The following SLC12A3 variants were observed in gnomAD, a reference collection of about 807,000 sequenced individuals.
SLC12A3 encodes Na-Cl cotransporter.
In SLC12A3, 104 loss-of-function variants were observed where a neutral mutation model predicts 121.0. That is an observed-to-expected ratio of 0.86 (90% CI 0.73 to 1.01). The LOEUF is 1.01. Ranked by LOEUF, SLC12A3 falls within the 50% of genes least tolerant of loss-of-function variation. The pLI is 0.00. For synonymous variants in SLC12A3, 536 were observed against 533.4 expected, an observed-to-expected ratio of 1.00 and a Z score of -0.07; for missense variants, 1,328 against 1,356.3, an observed-to-expected ratio of 0.98 and a Z score of 0.33.
chr16:56,865,462 C>T lies in SLC12A3; in HGVS notation c.227C>T (p.Pro76Leu), dbSNP rs1964330631. The change falls in exon 1 of 26, where the codon CCT becomes CTT. Residue 76 changes from proline to leucine, a missense_variant. By Grantham distance (98) the Pro-to-Leu change is moderately conservative. Transcript: ENST00000563236. ...TYEHYANSTQ[P>L]GEPRKVRPTL... is the part of the protein sequence containing the mutation. ...GAGCACTATGCCAACAGCACCCAGC[C>T]TGGTGAGCCCCGGAAGGTCCGGCCC... 6.2e-7 allele frequency: 1 copy of T among 1,614,086 alleles called. No individual in the cohort carries two copies. The highest frequency in any genetic ancestry group is 8.5e-7 in the Non-Finnish European group (1 of 1,180,048).
At chr16:56,903,144 G>A (rs1390979000) in intron 24 of SLC12A3, among the ~76,000 whole-genome samples, 8 of 144,894 alleles carry the variant, frequency 5.5e-5, no homozygotes, top group African/African-American at 8.1e-5. Context: ...GTGAGACTCC[G>A]TCTCAAAAAA....
intron 9 of SLC12A3, among the ~76,000 whole-genome samples, chr16:56,878,707 C>T (rs2055197747): frequency 6.6e-6 from 1 of 152,088 alleles, no homozygotes; most frequent in Non-Finnish European, 1.5e-5. Flanking sequence ...TGTACTTCCT[C>T]CCAGTGGCCC....
rs1484020868 is a variant in SLC12A3, at chr16:56,887,041, A to G, written c.2126A>G (p.Tyr709Cys). Residue 709 changes from tyrosine (Y) to cysteine (C), a missense_variant, in exon 17 of 26, where the codon TAC (tyrosine) becomes TGC (cysteine). Coordinates refer to ENST00000563236, the MANE Select transcript of SLC12A3 (RefSeq NM_001126108.2). ...WLNKRKIKAFYSDVIAEDLRR... is the reference protein window; with the variant it reads ...WLNKRKIKAFCSDVIAEDLRR... ...AACAAGAGGAAGATCAAGGCCTTCT[A>G]CTCGGATGTCATTGCCGAGGACCTC... 3.1e-6 allele frequency: 5 copies of G among 1,613,724 alleles called. No homozygotes were observed. The highest frequency in any genetic ancestry group is 4.2e-6 in the Non-Finnish European group (5 of 1,179,996).
At position 56,887,096 on chromosome 16, in the gene SLC12A3, G is replaced by A. The variant is rs764663294; in HGVS notation, c.2178+3G>A. 5.0e-6 allele frequency: 8 copies of A among 1,613,896 alleles called. No individual in the cohort carries two copies. Among genetic ancestry groups the A allele is most frequent in the Non-Finnish European group, 4.2e-6 (5 of 1,180,040 alleles). ...GAGGCGTCCAGATCCTCATGCAGGT[G>A]CCATGGACTGGGGGCTCCCCTACAG... On this transcript the variant is annotated splice_donor_region_variant and intron_variant, in intron 17 of 25. Coordinates refer to ENST00000563236, the MANE Select transcript of SLC12A3 (RefSeq NM_001126108.2).
chr16:56,872,868 T>G, intron 8 of SLC12A3, 82 bp downstream of exon 8: 1 of 1,567,656 alleles, frequency 6.4e-7, no homozygotes, highest in Non-Finnish European at 8.7e-7. Context: ...TCTAGTGGCA[T>G]CTGCCGCTGA....
intron 25 of SLC12A3, chr16:56,906,991 A>AT (rs1178661378): frequency 8.8e-6 from 2 of 228,148 alleles, no homozygotes; most frequent in South Asian, 1.1e-4. Flanking sequence ...GCCATTGTGG[A>AT]TTTTTTACAA....
intron 2 of SLC12A3, among the ~76,000 whole-genome samples, chr16:56,867,806 C>A (rs1434710436): frequency 6.6e-6 from 1 of 152,224 alleles, no homozygotes; most frequent in East Asian, 1.9e-4. Flanking sequence ...CACACCAGCC[C>A]CTCCCACCTG....
At chr16:56,879,460 C>G (rs574036844) in intron 10 of SLC12A3, 82 bp from the exon 11 acceptor site, 3 of 1,239,238 alleles carry the variant, frequency 2.4e-6, no homozygotes, top group Non-Finnish European at 3.5e-6. Context: ...AGCCCCTGCC[C>G]GCAGTAGGGA....
At chr16:56,868,451 C>A in intron 3 of SLC12A3, 79 bp downstream of exon 3, 2 of 1,385,568 alleles carry the variant, frequency 1.4e-6, no homozygotes, top group African/African-American at 1.4e-5. Context: ...CCTGTTCTTC[C>A]CAGACCCCAA....
chr16:56,897,447 G>A (rs1486055975), intron 22 of SLC12A3, among the ~76,000 whole-genome samples: 4 of 152,168 alleles, frequency 2.6e-5, no homozygotes, highest in Admixed American at 6.5e-5. Context: ...ATGGCCTCCC[G>A]TGCTCCATTC....
At chr16:56,899,218 T>C (rs1457063258) in intron 22 of SLC12A3, among the ~76,000 whole-genome samples, 1 of 152,212 alleles carries the variant, frequency 6.6e-6, no homozygotes, top group Non-Finnish European at 1.5e-5. Context: ...AATAAATACA[T>C]TTTTAAAACT....
intron 8 of SLC12A3, among the ~76,000 whole-genome samples, chr16:56,877,640 C>T (rs964621117): frequency 3.9e-5 from 6 of 152,270 alleles, no homozygotes; most frequent in South Asian, 4.1e-4. Flanking sequence ...GATGAGGGGC[C>T]GGGGTGTGAG....
In SLC12A3 at chr16:56,875,108, G is replaced by A. The variant is rs147168746; in HGVS notation, c.1095+2322G>A. Among the ~76,000 whole-genome samples, 49 of 151,636 alleles carry A rather than the reference G, an allele frequency of 3.2e-4. 1 individual carries two copies. Among genetic ancestry groups the A allele is most frequent in the African/African-American group, 8.7e-4 (36 of 41,354 alleles). On this transcript the variant is annotated intron_variant, in intron 8 of 25. Transcript: ENST00000563236. ...CTTTTTAGGTTACCAACCAGCAGGCGTCAGCTGTCTTGAAGCTGGATGAGG... is the reference window on the plus strand; with the variant it reads ...CTTTTTAGGTTACCAACCAGCAGGCATCAGCTGTCTTGAAGCTGGATGAGG...
At chr16:56,910,934 C>T (rs1269173067) in intron 25 of SLC12A3, among the ~76,000 whole-genome samples, 2 of 152,070 alleles carry the variant, frequency 1.3e-5, no homozygotes, top group East Asian at 3.9e-4. Context: ...GAATAGAGCA[C>T]GTCATTGACT....
chr16:56,889,755 G>A (rs374647866), intron 18 of SLC12A3, among the ~76,000 whole-genome samples: 6 of 152,184 alleles, frequency 3.9e-5, no homozygotes, highest in South Asian at 2.1e-4. Flanking sequence ...GATTACAGGC[G>A]TAAACCACTG....
At chr16:56,873,735 G>A (rs1466178632) in intron 8 of SLC12A3, among the ~76,000 whole-genome samples, 16 of 138,442 alleles carry the variant, frequency 1.2e-4, no homozygotes, top group African/African-American at 3.5e-4. Flanking sequence ...ATGAAGTCTC[G>A]GTCTGTCGCC....
At chr16:56,870,760 G>GA (rs1567427877) in intron 6 of SLC12A3, 24 bp downstream of exon 6, 1 of 1,458,292 alleles carries the variant, frequency 6.9e-7, no homozygotes, top group Non-Finnish European at 9.6e-7. Flanking sequence ...GGAGGAGGGG[G>GA]ACATGGAGGT....
intron 25 of SLC12A3, among the ~76,000 whole-genome samples, chr16:56,907,792 G>T (rs1049326950): frequency 6.6e-6 from 1 of 152,102 alleles, no homozygotes; most frequent in Non-Finnish European, 1.5e-5. Flanking sequence ...TCTCCCAAAG[G>T]CCCCACCTCC....
In SLC12A3 at chr16:56,913,697, C is replaced by G. The variant is rs1040687956; in HGVS notation, c.*292C>G. The stretch of plus-strand genomic sequence containing the variant: ...AAGGATTTCTTTTGATTTTGATGAC[C>G]ATTAATTAAGAGTTCAGTCTTTGAT... On this transcript the variant is annotated 3_prime_UTR_variant, in exon 26 of 26. Transcript: ENST00000563236. The G allele has an allele frequency of 9.2e-6, 4 of 436,722 alleles. No homozygotes were observed. Among genetic ancestry groups the G allele is most frequent in the African/African-American group, 8.0e-5 (4 of 49,832 alleles). The allele number at this position is 436,722 out of a possible 1,614,324, so 27.1% of individuals were successfully genotyped here. A position where few individuals can be genotyped will look rare whatever the true frequency, so the allele number is the denominator to read the frequency against.
Sources: gnomAD v4.1 joint callset for allele counts (sites outside exome capture counted in the v4.1 genomes callset) on GRCh38, gnomAD v4.1.1 for gene constraint, MANE v1.5 for transcripts, NCBI Gene and HGNC (gene_info 2026-07-23, HGNC 2026-07-21) for gene names.